SORCS1: variants seen among roughly 807,000 people sequenced by gnomAD.
The protein encoded by SORCS1 is VPS10 domain-containing receptor SorCS1.
A neutral mutation model predicts 146.1 loss-of-function variants in SORCS1; 60 were observed. The ratio of observed to expected loss-of-function variants is 0.41; its 90% CI spans 0.33 to 0.51. The LOEUF is 0.51. Ranked by LOEUF, SORCS1 falls within the 20% of genes least tolerant of loss-of-function variation. The pLI, the probability that SORCS1 is intolerant of heterozygous loss-of-function variation, is 0.21. For missense variants in SORCS1, 1,352 were observed against 1,487.6 expected, an observed-to-expected ratio of 0.91 and a Z score of 1.50; for synonymous variants, 637 against 584.0, an observed-to-expected ratio of 1.09 and a Z score of -1.31.
At chr10:107,052,556 G>A (rs2134058831) in intron 1 of SORCS1, among the ~76,000 whole-genome samples, 1 of 152,190 alleles carries the variant, frequency 6.6e-6, no homozygotes, top group African/African-American at 2.4e-5. Context: ...CTACTACTTG[G>A]TAAGCACATT....
chr10:106,734,896 G>A (rs912409989), intron 5 of SORCS1, among the ~76,000 whole-genome samples: 15 of 152,066 alleles, frequency 9.9e-5, no homozygotes, highest in South Asian at 2.1e-4. Flanking sequence ...TTGACCAGGC[G>A]TGGTGGCTCA....
intron 18 of SORCS1, among the ~76,000 whole-genome samples, chr10:106,633,865 G>A (rs376446086): frequency 5.0e-4 from 76 of 152,262 alleles, no homozygotes; most frequent in African/African-American, 1.6e-3. Context: ...AGGCCTCTGA[G>A]AGGATGCCCA....
At chr10:107,126,205 A>G (rs1039398791) in intron 1 of SORCS1, among the ~76,000 whole-genome samples, 107 of 152,210 alleles carry the variant, frequency 7.0e-4, no homozygotes, top group African/African-American at 2.4e-3. Flanking sequence ...AAGAAAACCA[A>G]CGATCACTTC....
At chr10:106,910,277 T>C (rs1952082617) in intron 2 of SORCS1, among the ~76,000 whole-genome samples, 1 of 135,732 alleles carries the variant, frequency 7.4e-6, no homozygotes, top group Non-Finnish European at 1.6e-5. Flanking sequence ...CCTCCGTCTC[T>C]TTACATTGTG....
At chr10:107,061,657 A>G (rs2134118451) in intron 1 of SORCS1, among the ~76,000 whole-genome samples, 1 of 152,276 alleles carries the variant, frequency 6.6e-6, no homozygotes, top group African/African-American at 2.4e-5. Flanking sequence ...CCAATACAAC[A>G]GATCTTGAGT....
intron 1 of SORCS1, among the ~76,000 whole-genome samples, chr10:107,035,624 T>C (rs948645317): frequency 7.9e-5 from 12 of 152,324 alleles, no homozygotes; most frequent in African/African-American, 2.9e-4. Context: ...ACTAACTGAT[T>C]GCAAACATCA....
intron 2 of SORCS1, among the ~76,000 whole-genome samples, chr10:106,934,100 CAA>C (rs57432764): frequency 2.2e-4 from 21 of 97,552 alleles, no homozygotes; most frequent in African/African-American, 4.9e-4. Context: ...TCTCAAAAAA[CAA>C]AAAAAAAAAA....
chr10:106,739,972 A>G (rs2136098114), intron 5 of SORCS1, among the ~76,000 whole-genome samples: 1 of 151,874 alleles, frequency 6.6e-6, no homozygotes, highest in East Asian at 1.9e-4. Flanking sequence ...AAAAAAGAAA[A>G]TTTAAACCTG....
chr10:106,974,379 A>T (rs1440448522), intron 1 of SORCS1, among the ~76,000 whole-genome samples: 2 of 152,244 alleles, frequency 1.3e-5, no homozygotes, highest in Non-Finnish European at 2.9e-5. Context: ...AAAGGCTGGA[A>T]AATGTGAAGC....
At chr10:106,935,162 AT>A (rs1315340358) in intron 2 of SORCS1, among the ~76,000 whole-genome samples, 2 of 152,180 alleles carry the variant, frequency 1.3e-5, no homozygotes, top group African/African-American at 4.8e-5. Flanking sequence ...GCATTTAGGT[AT>A]TTTATAGTTA....
chr10:107,162,241 ATT>A (rs1969768219), intron 1 of SORCS1, among the ~76,000 whole-genome samples: 1 of 152,204 alleles, frequency 6.6e-6, no homozygotes, highest in South Asian at 2.1e-4. Context: ...CTTGAATTAC[ATT>A]AAAAGCCAGA....
At chr10:106,784,511 T>C (rs1215154425) in intron 3 of SORCS1, among the ~76,000 whole-genome samples, 1 of 152,154 alleles carries the variant, frequency 6.6e-6, no homozygotes, top group Non-Finnish European at 1.5e-5. Context: ...TTGAGAATAT[T>C]TGAGCCACCT....
In SORCS1 at chr10:107,123,921, C is replaced by CA. The variant is rs57896261; in HGVS notation, c.558+40047dup. ...TGAAACCCCGTCTCTACTAAAAATA[C>CA]AAAAAAAAAAAAAAAATGAGCTGGG... On this transcript the variant is annotated intron_variant, in intron 1 of 25. Transcript: ENST00000263054. 7.7e-3 allele frequency among the ~76,000 whole-genome samples: 877 copies of CA among 113,508 alleles called. 15 individuals carry two copies. The highest frequency in any genetic ancestry group is 0.06 in the East Asian group (255 of 4,284). 74.5% of individuals were successfully genotyped at this position (113,508 alleles called of 152,430 possible). A position where few individuals can be genotyped will look rare whatever the true frequency, so the allele number is the denominator to read the frequency against.
At position 107,140,043 on chromosome 10, in the gene SORCS1, C is replaced by T. The variant is rs1404492817; in HGVS notation, c.558+23926G>A. 2.0e-5 allele frequency among the ~76,000 whole-genome samples: 3 copies of T among 152,226 alleles called. No individual in the cohort carries two copies. The East Asian group carries it at 5.8e-4, about 29-fold the overall frequency. The stretch of plus-strand genomic sequence containing the variant: ...TCTAAAGCATGATATTCCACTCCTT[C>T]ATCAGGGCAAAGCTAACACTGCAAC... On this transcript the variant is annotated intron_variant, in intron 1 of 25. Coordinates refer to ENST00000263054, the MANE Select transcript of SORCS1 (RefSeq NM_052918.5).
chr10:106,880,447 A>G (rs1015969471), intron 2 of SORCS1, among the ~76,000 whole-genome samples: 5 of 152,178 alleles, frequency 3.3e-5, no homozygotes, highest in East Asian at 1.9e-4. Context: ...TAAAGGGCCA[A>G]TTTTCTAAAG....
chr10:106,712,887 A>T (rs757537522), intron 6 of SORCS1, among the ~76,000 whole-genome samples: 1 of 152,148 alleles, frequency 6.6e-6, no homozygotes, highest in Non-Finnish European at 1.5e-5. Context: ...TCTTTTCTCC[A>T]TGTGACTCAG....
intron 3 of SORCS1, among the ~76,000 whole-genome samples, chr10:106,809,169 TG>T (rs1451786383): frequency 6.6e-6 from 1 of 151,810 alleles, no homozygotes; most frequent in Non-Finnish European, 1.5e-5. Flanking sequence ...TTTTTGTGGT[TG>T]TGGGGGGAGG....
At chr10:107,045,855 T>A (rs1432500430) in intron 1 of SORCS1, among the ~76,000 whole-genome samples, 1 of 151,344 alleles carries the variant, frequency 6.6e-6, no homozygotes, top group Non-Finnish European at 1.5e-5. Flanking sequence ...ATAACAACAG[T>A]GTACTACAAC....
At chr10:107,161,181 C>T (rs902448945) in intron 1 of SORCS1, among the ~76,000 whole-genome samples, 2 of 152,146 alleles carry the variant, frequency 1.3e-5, no homozygotes, top group Admixed American at 1.3e-4. Flanking sequence ...AGTGAACCAT[C>T]CAGAATTCCT....
Sources: gnomAD v4.1 joint callset for allele counts (sites outside exome capture counted in the v4.1 genomes callset) on GRCh38, gnomAD v4.1.1 for gene constraint, MANE v1.5 for transcripts, NCBI Gene and HGNC (gene_info 2026-07-23, HGNC 2026-07-21) for gene names.